BROX: variants seen among roughly 807,000 people sequenced by gnomAD.
BROX encodes the protein BRO1 domain-containing protein BROX.
Under a neutral mutation model 61.0 loss-of-function variants are expected in BROX, and 53 were observed. The ratio of observed to expected loss-of-function variants is 0.87; its 90% CI spans 0.70 to 1.09. The LOEUF (loss-of-function observed/expected upper bound fraction) is 1.09, where lower values mean the gene tolerates loss of function less well. BROX is among the 50% of genes least tolerant of loss of function. The pLI, the probability that BROX is intolerant of heterozygous loss-of-function variation, is 0.00. For synonymous variants in BROX, 152 were observed against 160.2 expected (o/e 0.95, Z 0.38); for missense variants, 489 against 472.0 (o/e 1.04, Z -0.33).
At chr1:222,727,289 G>T (rs369688284) in intron 8 of BROX, 32 bp downstream of exon 8, 2 of 1,484,144 alleles carry the variant, frequency 1.3e-6, no homozygotes, top group South Asian at 2.3e-5. Flanking sequence ...TACATTTTTA[G>T]TCTTTAGATT....
Position 222,719,291 on chromosome 1 carries a change from CCAAGAAAG to C in BROX, c.242_249del (p.Glu81ValfsTer11). On this transcript the variant is annotated frameshift_variant, in exon 4 of 13. Transcript: ENST00000340934. LOFTEE classifies it high-confidence loss of function. ...TCATAAATTCTTTGGATGAATCTACCCAAGAAAGCAAGTTACGATATATTCAAAATTTC... is the reference window on the plus strand; with the variant it reads ...TCATAAATTCTTTGGATGAATCTACCCAAGTTACGATATATTCAAAATTTC... The C allele has an allele frequency of 6.2e-7, 1 of 1,604,266 alleles. No individual in the cohort carries two copies. Among genetic ancestry groups the C allele is most frequent in the Non-Finnish European group, 8.5e-7 (1 of 1,171,320 alleles).
chr1:222,723,617 A>G (rs1005869122), intron 5 of BROX, among the ~76,000 whole-genome samples: 3 of 152,194 alleles, frequency 2.0e-5, no homozygotes, highest in Non-Finnish European at 4.4e-5. Context: ...AGTTTTTACT[A>G]ATTTCCTATA....
At chr1:222,714,201 A>G (rs534402260) in intron 1 of BROX, among the ~76,000 whole-genome samples, 1 of 148,510 alleles carries the variant, frequency 6.7e-6, no homozygotes, top group South Asian at 2.1e-4. Flanking sequence ...TTTAGACAAG[A>G]CATGCTGCTT....
intron 12 of BROX, among the ~76,000 whole-genome samples, chr1:222,731,893 G>A (rs1657964733): frequency 6.6e-6 from 1 of 152,164 alleles, no homozygotes; most frequent in Non-Finnish European, 1.5e-5. Flanking sequence ...TCAGTATTCT[G>A]TGAATCCAGG....
chr1:222,716,186 C>T (rs1267839512), intron 2 of BROX, among the ~76,000 whole-genome samples: 1 of 152,134 alleles, frequency 6.6e-6, no homozygotes, highest in East Asian at 1.9e-4. Flanking sequence ...GCAACCTCCG[C>T]CTCCTGGGTT....
At chr1:222,720,672 G>A (rs1296489163) in intron 4 of BROX, among the ~76,000 whole-genome samples, 3 of 151,840 alleles carry the variant, frequency 2.0e-5, no homozygotes, top group Admixed American at 1.3e-4. Flanking sequence ...AATTAGCTAC[G>A]TGTGGTGGAA....
At chr1:222,725,004 A>G (rs1209067699) in intron 6 of BROX, among the ~76,000 whole-genome samples, 1 of 152,134 alleles carries the variant, frequency 6.6e-6, no homozygotes, top group East Asian at 1.9e-4. Context: ...CATGTTTGCC[A>G]GGCTGGTCTC....
intron 1 of BROX, among the ~76,000 whole-genome samples, chr1:222,714,663 C>T (rs1199574842): frequency 6.6e-6 from 1 of 151,392 alleles, no homozygotes; most frequent in East Asian, 1.9e-4. Flanking sequence ...GATCAGGGCT[C>T]ACTGCAGCCT....
Position 222,712,950 on chromosome 1 carries a change from T to A in BROX, c.-17+8T>A. 1.7e-6 allele frequency: 2 copies of A among 1,187,060 alleles called. No individual in the cohort carries two copies. Among genetic ancestry groups the A allele is most frequent in the Non-Finnish European group, 2.1e-6 (2 of 937,456 alleles). The allele number at this position is 1,187,060 out of a possible 1,614,324, so 73.5% of individuals were successfully genotyped here. On this transcript the variant is annotated splice_region_variant and intron_variant, in intron 1 of 12. Transcript: ENST00000340934. ...CCGACTCTGAGAAATTTGGTAAGTA[T>A]GTCAGAGGATGGGTGTTTCTCAGTA... is the stretch of plus-strand genomic sequence containing the variant.
chr1:222,732,755 A>T lies in BROX; in HGVS notation c.*41A>T. 6.9e-7 allele frequency: 1 copy of T among 1,447,230 alleles called. No homozygotes were observed. Among genetic ancestry groups the T allele is most frequent in the African/African-American group, 1.4e-5 (1 of 70,280 alleles). 89.6% of individuals were successfully genotyped at this position (1,447,230 alleles called of 1,614,324 possible). A position where few individuals can be genotyped will look rare whatever the true frequency, so the allele number is the denominator to read the frequency against. On this transcript the variant is annotated 3_prime_UTR_variant, in exon 13 of 13. Coordinates refer to ENST00000340934, the MANE Select transcript of BROX (RefSeq NM_144695.4). ...TAGAATTTCTCTAGCAGTAAATAAG[A>T]TAAACCACAGAATTTCAGTTCTTAT...
intron 2 of BROX, among the ~76,000 whole-genome samples, chr1:222,716,562 G>C (rs981774761): frequency 6.6e-6 from 1 of 152,222 alleles, no homozygotes; most frequent in African/African-American, 2.4e-5. Flanking sequence ...GGCGAACTGT[G>C]TCATATGGAT....
Position 222,712,594 on chromosome 1 carries a change from G to A in BROX, c.-365G>A. ...GCCGAGGGCCGCCATCGCTATTGCG[G>A]CATTCTCCCTCGGCTCCGGAGGTAG... On this transcript the variant is annotated 5_prime_UTR_variant, in exon 1 of 13. Transcript: ENST00000340934. 1.5e-6 allele frequency: 2 copies of A among 1,359,634 alleles called. No individual in the cohort carries two copies. Among genetic ancestry groups the A allele is most frequent in the Non-Finnish European group, 9.6e-7 (1 of 1,043,516 alleles). 84.2% of individuals were successfully genotyped at this position (1,359,634 alleles called of 1,614,324 possible).
Position 222,719,348 on chromosome 1 carries a change from A to G in BROX, c.294A>G (p.Gly98=). 1 of 1,606,148 alleles carries G rather than the reference A, an allele frequency of 6.2e-7. No homozygotes were observed. Among genetic ancestry groups the G allele is most frequent in the Middle Eastern group, 1.7e-4 (1 of 6,046 alleles). ...QNFKWTDTLQ[G]QVPSAQQDAV... Reference sequence around the variant, plus strand: ...TCAAGTGGACTGATACATTGCAAGGACAGGTTCCAAGGTAAGCAACACTAA... The same window carrying G: ...TCAAGTGGACTGATACATTGCAAGGGCAGGTTCCAAGGTAAGCAACACTAA... Residue 98 remains glycine, a synonymous_variant, in exon 4 of 13, where the codon GGA becomes GGG. Transcript: ENST00000340934.
At chr1:222,728,905 C>T (rs1199649505) in intron 9 of BROX, 77 bp downstream of exon 9, 5 of 999,402 alleles carry the variant, frequency 5.0e-6, no homozygotes, top group African/African-American at 1.6e-5. Context: ...CTCATCTCAC[C>T]AGAGTCTTTC....
chr1:222,723,761 T>C (rs538796631), intron 5 of BROX, among the ~76,000 whole-genome samples: 1 of 152,204 alleles, frequency 6.6e-6, no homozygotes, highest in South Asian at 2.1e-4. Context: ...TCGCTGCAAC[T>C]GCCACCTCCT....
In BROX at chr1:222,713,253, CA is replaced by C. The variant is rs1385215506; in HGVS notation, c.-17+312del. 4 of 986,050 alleles carry C rather than the reference CA, an allele frequency of 4.1e-6. No individual in the cohort carries two copies. In the African/African-American group the frequency reaches 7.0e-5, roughly 17 times the overall value. 61.1% of individuals were successfully genotyped at this position (986,050 alleles called of 1,614,324 possible). A position where few individuals can be genotyped will look rare whatever the true frequency, so the allele number is the denominator to read the frequency against. ...TGTCTGGCCACCTCTCCCGGGTTGACAGTATCGGCTTTCCACAAAAATGCCT... is the reference window on the plus strand; with the variant it reads ...TGTCTGGCCACCTCTCCCGGGTTGACGTATCGGCTTTCCACAAAAATGCCT... On this transcript the variant is annotated intron_variant, in intron 1 of 12. Transcript: ENST00000340934.
rs748194201 is a variant in BROX at position 222,734,037 on chromosome 1, C to G, written c.*1323C>G. ...TATTGGTTTAGGCCAAAGGCCATAG[C>G]AAAAACATAGAGAACAAATATGATC... On this transcript the variant is annotated 3_prime_UTR_variant, in exon 13 of 13. Transcript: ENST00000340934. 1.6e-4 allele frequency: 25 copies of G among 152,112 alleles called. No individual in the cohort carries two copies. Among genetic ancestry groups the G allele is most frequent in the Admixed American group, 5.2e-4 (8 of 15,292 alleles). The allele number at this position is 152,112 out of a possible 1,614,324, so 9.4% of individuals were successfully genotyped here.
At chr1:222,732,418 C>T (rs568550605) in intron 12 of BROX, among the ~76,000 whole-genome samples, 6 of 152,184 alleles carry the variant, frequency 3.9e-5, no homozygotes, top group African/African-American at 1.4e-4. Context: ...TGGTTTTTGC[C>T]TACCAAACTA....
intron 10 of BROX, 85 bp downstream of exon 10, chr1:222,729,786 T>C: frequency 7.3e-7 from 1 of 1,361,638 alleles, no homozygotes; most frequent in Non-Finnish European, 1.0e-6. Context: ...AAAGAGATTT[T>C]GGCTGAGTTC....
Sources: gnomAD v4.1 joint callset for allele counts (sites outside exome capture counted in the v4.1 genomes callset) on GRCh38, gnomAD v4.1.1 for gene constraint, MANE v1.5 for transcripts, NCBI Gene and HGNC (gene_info 2026-07-23, HGNC 2026-07-21) for gene names.